NINL: variants seen among roughly 807,000 people sequenced by gnomAD.
The protein encoded by NINL is ninein-like protein.
A neutral mutation model predicts 160.3 loss-of-function variants in NINL; 153 were observed. The observed-to-expected ratio is 0.95, with a 90% CI of 0.84 to 1.09. NINL has a LOEUF of 1.09. NINL is among the 50% of genes least tolerant of loss of function. The pLI is 0.00. For synonymous variants in NINL, 800 were observed against 734.8 expected, an observed-to-expected ratio of 1.09 and a Z score of -1.43; for missense variants, 1,829 against 1,764.0, an observed-to-expected ratio of 1.04 and a Z score of -0.66.
chr20:25,553,121 T>TTTTTTTTTG, intron 1 of NINL, among the ~76,000 whole-genome samples: 4 of 148,918 alleles, frequency 2.7e-5, no homozygotes, highest in African/African-American at 5.0e-5. Context: ...TTTTTTTTTT[T>TTTTTTTTTG]GGAGATGGGG....
intron 14 of NINL, among the ~76,000 whole-genome samples, chr20:25,480,737 C>T (rs113582755): frequency 2.0e-4 from 30 of 152,266 alleles, no homozygotes; most frequent in African/African-American, 5.5e-4. Flanking sequence ...ATCACATAAA[C>T]GATGCCAAGT....
chr20:25,477,326 C>G (rs1186022375), intron 16 of NINL, among the ~76,000 whole-genome samples: 1 of 152,222 alleles, frequency 6.6e-6, no homozygotes, highest in Non-Finnish European at 1.5e-5. Context: ...AAGCACGAAC[C>G]CTTTCCATGT....
At chr20:25,528,959 C>T (rs948469018) in intron 1 of NINL, among the ~76,000 whole-genome samples, 2 of 152,112 alleles carry the variant, frequency 1.3e-5, no homozygotes, top group Admixed American at 6.6e-5. Flanking sequence ...TTTAATGTGG[C>T]GGGAGGCGTT....
At chr20:25,473,675 TACACACACACACACACACAC>T (rs56359105) in intron 17 of NINL, among the ~76,000 whole-genome samples, 60 of 137,878 alleles carry the variant, frequency 4.4e-4, no homozygotes, top group East Asian at 3.2e-3. Context: ...AATACACACA[TACACACACACACACACACAC>T]ACACACACAC....
intron 2 of NINL, among the ~76,000 whole-genome samples, chr20:25,518,913 T>G (rs2064212294): frequency 6.6e-6 from 1 of 151,886 alleles, no homozygotes; most frequent in Non-Finnish European, 1.5e-5. Flanking sequence ...GCCTGGCCAA[T>G]ATGGTGAAAC....
chr20:25,563,674 A>G (rs752267679), intron 1 of NINL, among the ~76,000 whole-genome samples: 32 of 152,348 alleles, frequency 2.1e-4, no homozygotes, highest in Non-Finnish European at 3.4e-4. Flanking sequence ...ATATAAGTAG[A>G]AGGATGGAGA....
rs1483377838 is a variant in NINL at position 25,556,650 on chromosome 20, A to G, written c.-12+28805T>C. Among the ~76,000 whole-genome samples the G allele has an allele frequency of 5.3e-5, 8 of 151,944 alleles. No homozygotes were observed. In the East Asian group the frequency reaches 7.8e-4, roughly 15 times the overall value. ...TAAATAAATTAATTAGTAATTAAAT[A>G]AACAAAATTAGCCAGGCATGGTGGT... On this transcript the variant is annotated intron_variant, in intron 1 of 23. Transcript: ENST00000278886.
chr20:25,478,794 CA>C, intron 16 of NINL, 128 bp downstream of exon 16: 1 of 1,014,852 alleles, frequency 9.9e-7, no homozygotes, highest in South Asian at 1.8e-5. Flanking sequence ...GGCACTCACC[CA>C]TCTGCCCAGA....
chr20:25,561,167 C>A (rs1235033173), intron 1 of NINL, among the ~76,000 whole-genome samples: 5 of 152,154 alleles, frequency 3.3e-5, no homozygotes, highest in Non-Finnish European at 7.3e-5. Flanking sequence ...CTGCCGAGTG[C>A]CTGCGATTGC....
intron 1 of NINL, among the ~76,000 whole-genome samples, chr20:25,575,851 C>T (rs540542716): frequency 1.3e-5 from 2 of 152,304 alleles, no homozygotes; most frequent in East Asian, 3.9e-4. Flanking sequence ...CACTTTTCCC[C>T]TTTACCACAA....
intron 8 of NINL, among the ~76,000 whole-genome samples, chr20:25,500,205 T>C (rs1300437647): frequency 6.6e-6 from 1 of 152,170 alleles, no homozygotes; most frequent in Admixed American, 6.5e-5. Flanking sequence ...TGTTGCCAAA[T>C]TGTGCCCAGG....
chr20:25,483,328 G>T (rs932722696), intron 13 of NINL, among the ~76,000 whole-genome samples: 1 of 136,944 alleles, frequency 7.3e-6, no homozygotes, highest in African/African-American at 2.7e-5. Context: ...ACAAGACTCT[G>T]TCTCAACAAA....
chr20:25,543,189 T>TA, intron 1 of NINL, among the ~76,000 whole-genome samples: 1 of 152,168 alleles, frequency 6.6e-6, no homozygotes, highest in East Asian at 1.9e-4. Context: ...CCCTCCCAAA[T>TA]ACCCACCCAC....
Position 25,498,219 on chromosome 20 carries a change from C to T in NINL, c.1160G>A (p.Ser387Asn), listed in dbSNP as rs1457819899. ...CCCTGTGGCCTCTTACTGCTGGTAG[C>T]TCAGCTCCTGGTGGTAGCAGGCCAG... Reference protein sequence around the residue: ...AALACYHQELSYQQGQVEQLA... With the variant: ...AALACYHQELNYQQGQVEQLA... Residue 387 changes from serine to asparagine, a missense_variant, in exon 9 of 24, where the codon AGC (serine) becomes AAC (asparagine). Transcript: ENST00000278886. 5 of 1,612,806 alleles carry T rather than the reference C, an allele frequency of 3.1e-6. No individual in the cohort carries two copies. Among genetic ancestry groups the T allele is most frequent in the Admixed American group, 3.3e-5 (2 of 60,024 alleles).
At chr20:25,561,458 G>A (rs964523492) in intron 1 of NINL, among the ~76,000 whole-genome samples, 10 of 152,148 alleles carry the variant, frequency 6.6e-5, no homozygotes, top group Admixed American at 1.3e-4. Flanking sequence ...CCGCTACCCC[G>A]TCTGGGAAAT....
At chr20:25,501,817 T>C (rs1280995653) in intron 7 of NINL, among the ~76,000 whole-genome samples, 1 of 152,090 alleles carries the variant, frequency 6.6e-6, no homozygotes, top group Non-Finnish European at 1.5e-5. Context: ...ATCTTTGAGA[T>C]GGGGTCTCAC....
At chr20:25,502,965 A>G (rs1046902235) in intron 7 of NINL, among the ~76,000 whole-genome samples, 5 of 152,260 alleles carry the variant, frequency 3.3e-5, no homozygotes, top group African/African-American at 1.2e-4. Context: ...AGACTAACAC[A>G]GAAACATTGC....
intron 1 of NINL, among the ~76,000 whole-genome samples, chr20:25,531,870 C>G (rs1309701540): frequency 6.6e-6 from 1 of 152,134 alleles, no homozygotes; most frequent in Non-Finnish European, 1.5e-5. Context: ...CCTAAGCCAG[C>G]TGGGGGTGCC....
chr20:25,519,441 T>C (rs376039461), intron 2 of NINL, among the ~76,000 whole-genome samples: 3 of 152,376 alleles, frequency 2.0e-5, no homozygotes, highest in African/African-American at 7.2e-5. Flanking sequence ...CTATTTAAAA[T>C]ACATCTTTAG....
Sources: gnomAD v4.1 joint callset for allele counts (sites outside exome capture counted in the v4.1 genomes callset) on GRCh38, gnomAD v4.1.1 for gene constraint, MANE v1.5 for transcripts, NCBI Gene and HGNC (gene_info 2026-07-23, HGNC 2026-07-21) for gene names.